GGT1: variants seen among roughly 807,000 people sequenced by gnomAD.
GGT1 encodes the protein gamma-glutamyltransferase 1, also known as glutathione hydrolase 1 proenzyme.
Under a neutral mutation model 56.0 loss-of-function variants are expected in GGT1, and 21 were observed. The ratio of observed to expected loss-of-function variants is 0.38; its 90% CI spans 0.27 to 0.54. The LOEUF is 0.54. GGT1 is among the 20% of genes least tolerant of loss of function. The pLI, the probability that GGT1 is intolerant of heterozygous loss-of-function variation, is 0.82. For synonymous variants in GGT1, 238 were observed against 342.6 expected (o/e 0.69, Z 3.37); for missense variants, 466 against 787.0 (o/e 0.59, Z 4.88).
the GGT1 span, chr22:24,585,613 T>G: frequency 2.0e-6 from 1 of 495,964 alleles, no homozygotes; most frequent in Non-Finnish European, 3.6e-6. Flanking sequence ...GACCCTGAGG[T>G]TGGTGATGCA....
intron 9 of GGT1, among the ~76,000 whole-genome samples, chr22:24,621,750 A>C (rs961976749): frequency 5.0e-4 from 76 of 152,250 alleles, no homozygotes; most frequent in Middle Eastern, 3.4e-3. Flanking sequence ...GGAATTCTCC[A>C]GTTAGAAAAG....
upstream of GGT1, among the ~76,000 whole-genome samples, chr22:24,602,927 C>T (rs1443334431): frequency 1.3e-5 from 2 of 152,234 alleles, no homozygotes; most frequent in African/African-American, 2.4e-5. Flanking sequence ...TCTAATCTGC[C>T]TCCCGCTGAA....
chr22:24,589,696 T>C, the GGT1 span: 8 of 1,115,524 alleles, frequency 7.2e-6, no homozygotes, highest in Non-Finnish European at 9.9e-6. Context: ...ACAGGGACAG[T>C]GACTTGCCTA....
intron 5 of GGT1, among the ~76,000 whole-genome samples, 186 bp downstream of exon 5, chr22:24,611,431 C>T (rs1262851668): frequency 6.6e-6 from 1 of 152,016 alleles, no homozygotes. Context: ...AACAGGGCCC[C>T]TTTTCTCAGT....
intron 5 of GGT1, among the ~76,000 whole-genome samples, chr22:24,612,487 A>G (rs937677106): frequency 9.6e-6 from 1 of 104,248 alleles, no homozygotes; most frequent in African/African-American, 4.3e-5. Context: ...CTGTTGCCCA[A>G]ACAGGGACAT....
chr22:24,615,062 C>A lies in GGT1; in HGVS notation c.317C>A (p.Ala106Asp), dbSNP rs2046974878. Residue 106 changes from alanine to aspartate, a missense_variant, in exon 7 of 16, where the codon GCC becomes GAC. Ala to Asp is a moderately radical substitution (Grantham distance 126). This residue lies in a region of GGT1 where 456 missense variants were observed against 716.7 expected (regional missense o/e 0.64). Transcript: ENST00000400382. ...STTRKAEVIN[A>D]REVAPRLAFA... ...CTAGGAAAAGCTGAGGTCATCAACG[C>A]CCGCGAGGTGGCCCCCAGGCTGGCC... is the stretch of plus-strand genomic sequence containing the variant. 6.2e-7 allele frequency: 1 copy of A among 1,612,198 alleles called. No homozygotes were observed. Among genetic ancestry groups the A allele is most frequent in the East Asian group, 2.2e-5 (1 of 44,882 alleles).
chr22:24,603,803 G>C (rs1014411004), intron 1 of GGT1, among the ~76,000 whole-genome samples: 15 of 151,858 alleles, frequency 9.9e-5, no homozygotes, highest in African/African-American at 3.6e-4. Flanking sequence ...GCTGTGATGG[G>C]GTTGGGGGAC....
chr22:24,590,571 G>T (rs888878868), upstream of GGT1, among the ~76,000 whole-genome samples: 1 of 152,108 alleles, frequency 6.6e-6, no homozygotes, highest in Non-Finnish European at 1.5e-5. Flanking sequence ...ATTCTTTGGG[G>T]TCTTTCGTCT....
chr22:24,613,949 C>T (rs1161041219), intron 5 of GGT1, among the ~76,000 whole-genome samples: 1 of 152,048 alleles, frequency 6.6e-6, no homozygotes, highest in Non-Finnish European at 1.5e-5. Flanking sequence ...ACTCAGCAGA[C>T]TGAAGTGGGA....
chr22:24,592,619 C>T (rs780014398), upstream of GGT1: 20 of 556,100 alleles, frequency 3.6e-5, no homozygotes, highest in Non-Finnish European at 6.1e-5. Context: ...GCAGCCCCCT[C>T]CTCCACACGG....
chr22:24,588,680 A>G, the GGT1 span: 3 of 1,107,438 alleles, frequency 2.7e-6, no homozygotes, highest in Non-Finnish European at 3.3e-6. Flanking sequence ...GGGACTTGCC[A>G]CAGGGGGAGG....
intron 2 of GGT1, chr22:24,608,857 C>T (rs2046484556): frequency 1.3e-5 from 2 of 152,196 alleles, no homozygotes; most frequent in Admixed American, 6.5e-5. Flanking sequence ...GGGGGTTTCA[C>T]CATGTTGGCC....
intron 5 of GGT1, among the ~76,000 whole-genome samples, chr22:24,614,392 C>T (rs493075): frequency 5.8e-5 from 8 of 137,400 alleles, no homozygotes; most frequent in African/African-American, 2.2e-4. Flanking sequence ...CCAAGGCAGG[C>T]GGATCATGAG....
intron 11 of GGT1, among the ~76,000 whole-genome samples, chr22:24,625,584 C>T (rs1026384991): frequency 6.6e-6 from 1 of 151,910 alleles, no homozygotes; most frequent in African/African-American, 2.4e-5. Flanking sequence ...CTCTGTTGCC[C>T]AGGCTGGAGT....
chr22:24,586,202 G>A, the GGT1 span: 1 of 1,613,732 alleles, frequency 6.2e-7, no homozygotes, highest in Non-Finnish European at 8.5e-7. Flanking sequence ...CAGGAGCTGG[G>A]TGAGGCGGGG....
intron 7 of GGT1, among the ~76,000 whole-genome samples, chr22:24,619,772 A>G (rs1309978735): frequency 1.3e-5 from 2 of 150,976 alleles, no homozygotes; most frequent in Admixed American, 6.6e-5. Context: ...GTTTTGGCAC[A>G]TTCTCGTGGA....
chr22:24,613,211 G>A (rs1052029132), intron 5 of GGT1, among the ~76,000 whole-genome samples: 4 of 152,110 alleles, frequency 2.6e-5, no homozygotes, highest in Admixed American at 2.6e-4. Flanking sequence ...GAGTAGCTAG[G>A]ACTACAGGCG....
rs550992380 is a variant in GGT1, at chr22:24,620,428, C to G, written c.483C>G (p.Ile161Met). The G allele has an allele frequency of 6.2e-7, 1 of 1,611,540 alleles. No homozygotes were observed. The highest frequency in any genetic ancestry group is 1.1e-5 in the South Asian group (1 of 90,974). ...GGGCTCGCCTCTTCCAGCCCAGCAT[C>G]CAGCTGGCCCGCCAGGGCTTCCCCG... ...LPWARLFQPS[I>M]QLARQGFPVG... Residue 161 changes from isoleucine (I) to methionine (M), a missense_variant, in exon 8 of 16, where the codon ATC (isoleucine) becomes ATG (methionine). Transcript: ENST00000400382. This position sits in a 1 kb window ranked among gnomAD's most constrained non-coding sequence, Gnocchi z 5.6.
At chr22:24,600,631 G>T (rs534065848), upstream of GGT1, among the ~76,000 whole-genome samples, 4 of 152,328 alleles carry the variant, frequency 2.6e-5, no homozygotes, top group African/African-American at 9.6e-5. Context: ...CAGGAGTTCT[G>T]CCCATGCCCA....
Sources: allele counts gnomAD v4.1 joint callset (sites outside exome capture counted in the v4.1 genomes callset), GRCh38; gene constraint gnomAD v4.1.1; regional missense constraint gnomAD v4.1.1; non-coding constraint Gnocchi (gnomAD v3.1); transcripts MANE v1.5; gene names NCBI Gene and HGNC (gene_info 2026-07-23, HGNC 2026-07-21).